The following ZNF177 variants were observed in gnomAD, a reference collection of about 807,000 sequenced individuals.
The protein encoded by ZNF177 is zinc finger protein 177.
A neutral mutation model predicts 19.4 loss-of-function variants in ZNF177; 17 were observed. The ratio of observed to expected loss-of-function variants is 0.87; its 90% CI spans 0.60 to 1.31. The LOEUF (loss-of-function observed/expected upper bound fraction) is 1.31, where lower values mean the gene tolerates loss of function less well. ZNF177 is among the 40% of genes most tolerant of loss of function. ZNF177 has a pLI of 0.00. For missense variants in ZNF177, 633 were observed against 561.8 expected (o/e 1.13, Z -1.28); for synonymous variants, 220 against 188.7 (o/e 1.17, Z -1.36).
rs746483849 is a variant in ZNF177, at chr19:9,379,632, C to T, written c.253+13C>T. ...GGTGACTGTGCAGGTGAGCCTTGGGCAGAACAGGGTGCAGCCTTGGCCAGT... is the reference window on the plus strand; with the variant it reads ...GGTGACTGTGCAGGTGAGCCTTGGGTAGAACAGGGTGCAGCCTTGGCCAGT... On this transcript the variant is annotated intron_variant, in intron 4 of 5. Coordinates refer to ENST00000589262, the Ensembl canonical transcript of ZNF177. 1.2e-6 allele frequency: 2 copies of T among 1,612,576 alleles called. No individual in the cohort carries two copies. The highest frequency in any genetic ancestry group is 8.5e-7 in the Non-Finnish European group (1 of 1,179,456).
chr19:9,381,860 C>T, exon 6 of ZNF177: 1 of 1,506,982 alleles, frequency 6.6e-7, no homozygotes, highest in Non-Finnish European at 8.8e-7. Flanking sequence ...CTGTTATGGT[C>T]ACCTGGAAAC....
intron 3 of ZNF177, 190 bp downstream of exon 5, chr19:9,379,278 G>A: frequency 8.6e-7 from 1 of 1,160,778 alleles, no homozygotes; most frequent in Admixed American, 3.0e-5. Context: ...ATCACTAATA[G>A]CTTAAGGTAA....
rs938042392 is a variant in ZNF177, at chr19:9,380,823, G to A, written c.492G>A (p.Arg164=). ...TCTTCAACCATCCCTCAACTCTTAGGAGTCATGTGAGCATTCACATTGGAG... is the reference window on the plus strand; with the variant it reads ...TCTTCAACCATCCCTCAACTCTTAGAAGTCATGTGAGCATTCACATTGGAG... Residue 164 remains arginine (R), a synonymous_variant, in exon 6 of 6, where the codon AGG becomes AGA. Transcript: ENST00000589262. 9.1e-6 allele frequency: 14 copies of A among 1,535,958 alleles called. No individual in the cohort carries two copies. In the Admixed American group the frequency reaches 1.4e-4, roughly 15 times the overall value.
At chr19:9,370,889 C>G (rs756807616) in intron 2 of ZNF177, among the ~76,000 whole-genome samples, 1 of 152,120 alleles carries the variant, frequency 6.6e-6, no homozygotes, top group Non-Finnish European at 1.5e-5. Context: ...TCCTTAACAC[C>G]CAGCTTTGAC....
chr19:9,379,952 A>T, intron 4 of ZNF177, 105 bp from the exon 7 acceptor site: 2 of 1,308,332 alleles, frequency 1.5e-6, no homozygotes, highest in Non-Finnish European at 2.1e-6. Context: ...ACATTTCTCT[A>T]CTTAGAAGAT....
chr19:9,378,375 C>T lies in ZNF177; in HGVS notation c.33+31C>T, dbSNP rs772806809. On this transcript the variant is annotated intron_variant, in intron 2 of 5. Coordinates refer to ENST00000589262, the Ensembl canonical transcript of ZNF177. ...CAAGAAATTTCTCTATTTCCAAAAG[C>T]ACACTGCCATTCCTGAAAAGAACAC... 7.4e-6 allele frequency: 12 copies of T among 1,613,094 alleles called. No individual in the cohort carries two copies. In the Admixed American group the frequency reaches 2.0e-4, roughly 27 times the overall value.
intron 2 of ZNF177, among the ~76,000 whole-genome samples, chr19:9,367,912 A>G (rs2068001266): frequency 6.6e-6 from 1 of 152,218 alleles, no homozygotes; most frequent in Non-Finnish European, 1.5e-5. Flanking sequence ...TATAGAGTGG[A>G]TAAGTTATCT....
At chr19:9,379,751 C>A in intron 4 of ZNF177, 132 bp downstream of exon 6, 1 of 1,091,546 alleles carries the variant, frequency 9.2e-7, no homozygotes, top group East Asian at 2.6e-5. Flanking sequence ...TCTATTCAAT[C>A]GTTCATACGT....
At chr19:9,367,461 T>C (rs2067995838) in intron 2 of ZNF177, among the ~76,000 whole-genome samples, 1 of 152,382 alleles carries the variant, frequency 6.6e-6, no homozygotes, top group African/African-American at 2.4e-5. Context: ...TTTTGCTCTA[T>C]TAATGAAGCA....
chr19:9,363,384 A>C (rs151275340), intron 1 of ZNF177: 2 of 152,110 alleles, frequency 1.3e-5, no homozygotes, highest in South Asian at 4.1e-4. Context: ...GTAGGAGACT[A>C]TTTTTTCTCA....
upstream of ZNF177, among the ~76,000 whole-genome samples, chr19:9,372,921 T>G (rs569972213): frequency 1.4e-4 from 22 of 152,232 alleles, 1 homozygote; most frequent in Admixed American, 1.4e-3. Context: ...TTATATATGT[T>G]TAAGGTGTAC....
upstream of ZNF177, among the ~76,000 whole-genome samples, chr19:9,373,970 TAAA>T (rs531783264): frequency 6.6e-6 from 1 of 150,618 alleles, no homozygotes; most frequent in Admixed American, 6.6e-5. Context: ...GTCAACTCTT[TAAA>T]AAAAAAATTT....
chr19:9,379,457 T>G, intron 3 of ZNF177, 70 bp from the exon 6 acceptor site: 1 of 1,539,482 alleles, frequency 6.5e-7, no homozygotes, highest in African/African-American at 1.4e-5. Context: ...AGCCAAAGTA[T>G]GGCAATCAGT....
exon 6 of ZNF177, chr19:9,381,750 C>G (rs2068206628): frequency 6.2e-7 from 1 of 1,603,290 alleles, no homozygotes; most frequent in Non-Finnish European, 8.5e-7. Context: ...ACAAGCGAAT[C>G]CACAATGGCC....
upstream of ZNF177, among the ~76,000 whole-genome samples, chr19:9,374,032 ATC>A (rs1218022802): frequency 6.6e-6 from 1 of 152,054 alleles, no homozygotes; most frequent in Non-Finnish European, 1.5e-5. Flanking sequence ...AAGTTTTATG[ATC>A]TCAGGTCTTA....
intron 5 of ZNF177, 108 bp from the exon 8 acceptor site, chr19:9,380,560 C>T: frequency 1.3e-6 from 2 of 1,531,960 alleles, no homozygotes; most frequent in Non-Finnish European, 8.7e-7. Context: ...ACATGTCAGT[C>T]ATGATCATGT....
chr19:9,365,967 T>A (rs1327681882), intron 2 of ZNF177, among the ~76,000 whole-genome samples: 2 of 152,124 alleles, frequency 1.3e-5, no homozygotes, highest in African/African-American at 4.8e-5. Flanking sequence ...GATAGGGGAT[T>A]GATCTCCCAA....
upstream of ZNF177, among the ~76,000 whole-genome samples, chr19:9,374,226 T>C (rs879889592): frequency 1.9e-4 from 29 of 152,324 alleles, no homozygotes; most frequent in Admixed American, 1.6e-3. Context: ...CCAGGGTTTA[T>C]TTCTGGGCTT....
rs1025499278 is a variant in ZNF177 at position 9,380,984 on chromosome 19, C to T, written c.653C>T (p.Ser218Phe). The change falls in exon 6 of 6, where the codon TCC becomes TTC. Residue 218 changes from serine (S) to phenylalanine (F), a missense_variant. Physicochemically the swap from Ser to Phe is radical, Grantham distance 155 (BLOSUM62 -2). Coordinates refer to ENST00000589262, the Ensembl canonical transcript of ZNF177. ...GATATGTCCTTCAGCCTACACTCTT[C>T]CTGCTCAGTACGTGAGCAAATACCT... The T allele has an allele frequency of 8.4e-6, 13 of 1,553,128 alleles. No homozygotes were observed. The highest frequency in any genetic ancestry group is 2.4e-5 in the East Asian group (1 of 41,894).
Sources: allele counts gnomAD v4.1 joint callset (sites outside exome capture counted in the v4.1 genomes callset), GRCh38; gene constraint gnomAD v4.1.1; transcripts MANE v1.5; gene names NCBI Gene and HGNC (gene_info 2026-07-23, HGNC 2026-07-21).